PSME4: variants seen among roughly 807,000 people sequenced by gnomAD.
PSME4 encodes proteasome activator complex subunit 4.
A neutral mutation model predicts 253.9 loss-of-function variants in PSME4; 89 were observed. The ratio of observed to expected loss-of-function variants is 0.35; its 90% CI spans 0.30 to 0.42. PSME4 has a LOEUF of 0.42. Ranked by LOEUF, PSME4 falls within the 10% of genes least tolerant of loss-of-function variation. The pLI is 1.00. For missense variants in PSME4, 2,014 were observed against 2,195.2 expected, an observed-to-expected ratio of 0.92 and a Z score of 1.65; for synonymous variants, 851 against 759.2, an observed-to-expected ratio of 1.12 and a Z score of -1.99.
chr2:53,958,225 G>A (rs926419621), intron 1 of PSME4, among the ~76,000 whole-genome samples: 19 of 150,842 alleles, frequency 1.3e-4, no homozygotes, highest in African/African-American at 4.4e-4. Flanking sequence ...GCATGGTGGC[G>A]TGCACCTGTA....
At chr2:53,897,664 T>C (rs939042399) in intron 31 of PSME4, among the ~76,000 whole-genome samples, 2 of 152,238 alleles carry the variant, frequency 1.3e-5, no homozygotes, top group African/African-American at 4.8e-5. Context: ...TTTCCTGCTA[T>C]ATCCCCAGTC....
At chr2:53,920,471 G>A (rs1214403287) in intron 18 of PSME4, 121 bp from the exon 19 acceptor site, 5 of 998,592 alleles carry the variant, frequency 5.0e-6, no homozygotes, top group East Asian at 5.3e-5. Context: ...CAAACCTAAG[G>A]TAGCAAATGA....
rs767386191 is a variant in PSME4, at chr2:53,866,248, G to A, written c.5398-25C>T. The A allele has an allele frequency of 7.4e-6, 12 of 1,610,914 alleles. No individual in the cohort carries two copies. The East Asian group carries it at 1.1e-4, about 15-fold the overall frequency. On this transcript the variant is annotated intron_variant, in intron 45 of 46. Transcript: ENST00000404125. ...TCTGTAAAGTAGACAACCCACATAC[G>A]TTTTAACCTCTCTGGACAACCAGGA...
intron 3 of PSME4, among the ~76,000 whole-genome samples, chr2:53,940,904 TA>T (rs1412727787): frequency 1.8e-4 from 24 of 130,858 alleles, no homozygotes; most frequent in African/African-American, 6.4e-4. Flanking sequence ...TAAATATATA[TA>T]ATACATATTT....
At chr2:53,867,793 G>A (rs561225111) in intron 44 of PSME4, among the ~76,000 whole-genome samples, 1 of 151,730 alleles carries the variant, frequency 6.6e-6, no homozygotes, top group East Asian at 1.9e-4. Context: ...AAATTAGCGT[G>A]GTTTTTTTTT....
At chr2:53,869,574 C>G (rs1199918611) in intron 43 of PSME4, 36 bp from the exon 44 acceptor site, 9 of 1,434,066 alleles carry the variant, frequency 6.3e-6, no homozygotes, top group African/African-American at 1.4e-5. Flanking sequence ...GACTGACATT[C>G]TAAGTCTGAG....
chr2:53,876,931 C>G (rs1250028812), intron 41 of PSME4, among the ~76,000 whole-genome samples: 1 of 151,250 alleles, frequency 6.6e-6, no homozygotes, highest in African/African-American at 2.4e-5. Context: ...CTGTGTTGCC[C>G]AGATTGGTCT....
chr2:53,958,434 T>G (rs541894528), intron 1 of PSME4, among the ~76,000 whole-genome samples: 7 of 152,082 alleles, frequency 4.6e-5, no homozygotes, highest in Non-Finnish European at 8.8e-5. Flanking sequence ...TTTTAACACA[T>G]AGACATCATT....
At position 53,936,076 on chromosome 2, in the gene PSME4, A is replaced by G. The variant is rs759299873; in HGVS notation, c.834+11T>C. On this transcript the variant is annotated intron_variant, in intron 7 of 46. Transcript: ENST00000404125. ...ATGCCTGATAATTTTTTTCCCCAAA[A>G]TGTTAATTACCTTTGGTACATATGG... The G allele has an allele frequency of 1.1e-5, 18 of 1,608,508 alleles. No homozygotes were observed. The African/African-American group carries it at 2.3e-4, about 20-fold the overall frequency.
intron 3 of PSME4, among the ~76,000 whole-genome samples, chr2:53,940,948 TATAC>T (rs1430572628): frequency 0.043 from 792 of 18,492 alleles, 91 homozygotes; most frequent in African/African-American, 0.13. Context: ...TAAATATATA[TATAC>T]ATATATATAT....
chr2:53,956,619 C>A (rs1271235404), intron 1 of PSME4, among the ~76,000 whole-genome samples: 3 of 151,790 alleles, frequency 2.0e-5, no homozygotes, highest in African/African-American at 7.3e-5. Context: ...GTTGCCCAAG[C>A]TGGAGTGCAG....
chr2:53,869,167 G>A (rs574273635), intron 44 of PSME4, among the ~76,000 whole-genome samples: 1 of 152,248 alleles, frequency 6.6e-6, no homozygotes, highest in Admixed American at 6.5e-5. Flanking sequence ...AGTTCTACAG[G>A]TTCCTTTCTA....
At chr2:53,887,068 T>C (rs987936865) in intron 40 of PSME4, among the ~76,000 whole-genome samples, 191 bp downstream of exon 40, 1 of 152,134 alleles carries the variant, frequency 6.6e-6, no homozygotes, top group Admixed American at 6.6e-5. Flanking sequence ...ATTCTAGAGA[T>C]AAATGGTGAT....
chr2:53,921,969 G>T (rs887725757), intron 17 of PSME4, among the ~76,000 whole-genome samples: 9 of 150,716 alleles, frequency 6.0e-5, no homozygotes, highest in Non-Finnish European at 1.3e-4. Flanking sequence ...TCAGGACATT[G>T]AGACCATTCT....
At chr2:53,918,846 T>C (rs1368054526) in intron 20 of PSME4, among the ~76,000 whole-genome samples, 3 of 152,212 alleles carry the variant, frequency 2.0e-5, no homozygotes, top group Non-Finnish European at 2.9e-5. Flanking sequence ...TATTTTTCCT[T>C]TTTAAAAGAA....
At chr2:53,947,404 C>G (rs925155548) in intron 3 of PSME4, among the ~76,000 whole-genome samples, 3 of 152,170 alleles carry the variant, frequency 2.0e-5, no homozygotes, top group Non-Finnish European at 4.4e-5. Flanking sequence ...GAATGGTGCT[C>G]TTCAAGAAAT....
intron 1 of PSME4, among the ~76,000 whole-genome samples, chr2:53,966,505 T>C (rs559035599): frequency 6.7e-6 from 1 of 148,702 alleles, no homozygotes; most frequent in South Asian, 2.1e-4. Flanking sequence ...CTACTAAAAA[T>C]ACAAAAAAAT....
chr2:53,938,256 A>C (rs191911276), intron 4 of PSME4, among the ~76,000 whole-genome samples: 1 of 152,322 alleles, frequency 6.6e-6, no homozygotes, highest in African/African-American at 2.4e-5. Flanking sequence ...AGCAATCTCT[A>C]GGCATGTTGA....
Position 53,866,143 on chromosome 2 carries a change from A to G in PSME4, c.5478T>C (p.Asp1826=). The change falls in exon 46 of 47, where the codon GAT becomes GAC. Residue 1826 remains aspartate (D), a synonymous_variant. Transcript: ENST00000404125. ...GATCGGTGAGAACAAGCAGTTGGTC[A>G]TCAGTGAATTGCTGTTTATGTTCCT... is the stretch of plus-strand genomic sequence containing the variant. ...NWQEHKQQFT[D]DQLLVLTDLL... 6.2e-7 allele frequency: 1 copy of G among 1,613,326 alleles called. No individual in the cohort carries two copies. The highest frequency in any genetic ancestry group is 2.2e-5 in the East Asian group (1 of 44,870).
Sources: allele counts gnomAD v4.1 joint callset (sites outside exome capture counted in the v4.1 genomes callset), GRCh38; gene constraint gnomAD v4.1.1; transcripts MANE v1.5; gene names NCBI Gene and HGNC (gene_info 2026-07-23, HGNC 2026-07-21).